CDH10: variants seen among roughly 807,000 people sequenced by gnomAD.
CDH10 encodes the protein cadherin 10, also known as cadherin-10.
CDH10 carries 30 observed loss-of-function variants against 73.1 expected under a neutral mutation model. The ratio of observed to expected loss-of-function variants is 0.41; its 90% CI spans 0.31 to 0.56. The LOEUF (loss-of-function observed/expected upper bound fraction) is 0.56, where lower values mean the gene tolerates loss of function less well. CDH10 is among the 20% of genes least tolerant of loss of function. The probability of loss-of-function intolerance (pLI) is 0.27; values close to 1 mark genes in which losing one functional copy is unlikely to be tolerated. For synonymous variants in CDH10, 345 were observed against 348.2 expected, an observed-to-expected ratio of 0.99 and a Z score of 0.10; for missense variants, 815 against 973.7, an observed-to-expected ratio of 0.84 and a Z score of 2.17.
chr5:24,522,512 TAAAATAA>T (rs1386273448), intron 5 of CDH10, among the ~76,000 whole-genome samples: 2 of 151,826 alleles, frequency 1.3e-5, no homozygotes, highest in Non-Finnish European at 1.5e-5. Context: ...TAAAATAAAA[TAAAATAA>T]AAAAGTCTGG....
intron 2 of CDH10, among the ~76,000 whole-genome samples, chr5:24,548,850 T>C (rs1665460988): frequency 6.6e-6 from 1 of 152,050 alleles, no homozygotes; most frequent in Non-Finnish European, 1.5e-5. Flanking sequence ...AGGGGATTAA[T>C]ATACAAGAAT....
chr5:24,541,477 T>C (rs1013248191), intron 2 of CDH10, among the ~76,000 whole-genome samples: 1 of 152,000 alleles, frequency 6.6e-6, no homozygotes, highest in Non-Finnish European at 1.5e-5. Context: ...GTTTTGGATA[T>C]CAGGTAACAA....
intron 1 of CDH10, among the ~76,000 whole-genome samples, chr5:24,630,796 A>G (rs1056995365): frequency 6.6e-6 from 1 of 152,108 alleles, no homozygotes; most frequent in Admixed American, 6.6e-5. Context: ...AAGTATTAGA[A>G]CAGATTAAAA....
intron 8 of CDH10, among the ~76,000 whole-genome samples, chr5:24,504,504 ATCTTTTTTTTT>A: frequency 2.7e-5 from 1 of 37,242 alleles, no homozygotes; most frequent in South Asian, 9.3e-4. Context: ...TCTCCTATTA[ATCTTTTTTTTT>A]TTTTTTTTTT....
chr5:24,537,771 A>C (rs1371240110), intron 2 of CDH10, 97 bp from the exon 3 acceptor site: 1 of 709,046 alleles, frequency 1.4e-6, no homozygotes, highest in African/African-American at 1.8e-5. Context: ...ATCACTGAGC[A>C]ACGGGGTCGG....
At chr5:24,563,451 T>TAAAAA (rs34730632) in intron 2 of CDH10, among the ~76,000 whole-genome samples, 2 of 144,552 alleles carry the variant, frequency 1.4e-5, no homozygotes, top group Non-Finnish European at 3.0e-5. Flanking sequence ...TATAGAAGCT[T>TAAAAA]AAAAAAAAAA....
intron 2 of CDH10, among the ~76,000 whole-genome samples, chr5:24,552,543 TTTGA>T (rs1179790776): frequency 6.6e-6 from 1 of 152,072 alleles, no homozygotes; most frequent in Non-Finnish European, 1.5e-5. Context: ...TCTGTTAATG[TTTGA>T]TTGGTGCATC....
chr5:24,611,932 C>T (rs1281229840), intron 1 of CDH10: 1 of 152,152 alleles, frequency 6.6e-6, no homozygotes, highest in Non-Finnish European at 1.5e-5. Flanking sequence ...GTCCAACGAC[C>T]CATAGAAACA....
chr5:24,565,058 G>C (rs979808695), intron 2 of CDH10, among the ~76,000 whole-genome samples: 2 of 152,128 alleles, frequency 1.3e-5, no homozygotes, highest in Non-Finnish European at 2.9e-5. Context: ...CTCTAAGAAT[G>C]CCTCCTTTAC....
At chr5:24,519,487 T>C (rs1743232791) in intron 5 of CDH10, among the ~76,000 whole-genome samples, 1 of 152,078 alleles carries the variant, frequency 6.6e-6, no homozygotes, top group South Asian at 2.1e-4. Flanking sequence ...ACAAATACAG[T>C]ATGTTTAAAG....
At chr5:24,577,529 A>AT (rs1260152911) in intron 2 of CDH10, among the ~76,000 whole-genome samples, 1 of 152,234 alleles carries the variant, frequency 6.6e-6, no homozygotes, top group Non-Finnish European at 1.5e-5. Context: ...GAAATATTAG[A>AT]TAAACCAACT....
In CDH10 at chr5:24,487,350, G is replaced by A. The variant is rs957723481; in HGVS notation, c.*313C>T. 4.1e-6 allele frequency: 1 copy of A among 244,528 alleles called. No individual in the cohort carries two copies. Among genetic ancestry groups the A allele is most frequent in the Admixed American group, 5.0e-5 (1 of 20,128 alleles). The allele number at this position is 244,528 out of a possible 1,614,324, so 15.1% of individuals were successfully genotyped here. ...GGCAGGACATGTACCTAACAGAAGC[G>A]GCTTGTTTGTGAGGTTGCTTAAGGG... On this transcript the variant is annotated 3_prime_UTR_variant, in exon 12 of 12. Coordinates refer to ENST00000264463, the MANE Select transcript of CDH10 (RefSeq NM_006727.5).
intron 2 of CDH10, among the ~76,000 whole-genome samples, chr5:24,545,019 A>T (rs1302333242): frequency 1.3e-5 from 2 of 152,244 alleles, no homozygotes; most frequent in Non-Finnish European, 2.9e-5. Context: ...AAGTTAACGA[A>T]CCCTCCTTCT....
intron 1 of CDH10, among the ~76,000 whole-genome samples, chr5:24,637,111 A>T (rs1403027707): frequency 6.6e-6 from 1 of 151,952 alleles, no homozygotes; most frequent in Non-Finnish European, 1.5e-5. Context: ...TCTTGTATTT[A>T]TCAAAGCTGG....
At chr5:24,627,104 AT>A (rs1747535685) in intron 1 of CDH10, among the ~76,000 whole-genome samples, 2 of 151,818 alleles carry the variant, frequency 1.3e-5, no homozygotes, top group African/African-American at 4.8e-5. Context: ...ATATCACCAT[AT>A]GCTTTATTTG....
intron 1 of CDH10, among the ~76,000 whole-genome samples, chr5:24,632,386 T>C (rs996784377): frequency 7.9e-5 from 12 of 152,096 alleles, no homozygotes; most frequent in Admixed American, 4.6e-4. Flanking sequence ...ATAAATGCTT[T>C]ATATATTCAT....
At chr5:24,559,181 T>A (rs6892585) in intron 2 of CDH10, among the ~76,000 whole-genome samples, 1 of 151,646 alleles carries the variant, frequency 6.6e-6, no homozygotes, top group Non-Finnish European at 1.5e-5. Flanking sequence ...TGTTTGTTTA[T>A]TATAAATAAA....
In CDH10 at chr5:24,491,615, C is replaced by T. The variant is rs1458333938; in HGVS notation, c.1837G>A (p.Ala613Thr). ...LLLPAGLSTG[A>T]LIAILLCIII... is the part of the protein sequence containing the mutation. ...ATGCAGAGGAGGATGGCGATCAAGG[C>T]CCCAGTGCTGAGGCCGGCAGGGAGG... The change falls in exon 11 of 12, where the codon GCC becomes ACC. Residue 613 changes from alanine (A) to threonine (T), a missense_variant. Ala to Thr is a moderately conservative substitution (Grantham distance 58). Coordinates refer to ENST00000264463, the MANE Select transcript of CDH10 (RefSeq NM_006727.5). 1.9e-6 allele frequency: 3 copies of T among 1,613,552 alleles called. No homozygotes were observed. The highest frequency in any genetic ancestry group is 2.5e-6 in the Non-Finnish European group (3 of 1,179,756).
intron 1 of CDH10, among the ~76,000 whole-genome samples, chr5:24,620,755 C>T (rs1747288786): frequency 6.6e-6 from 1 of 152,030 alleles, no homozygotes; most frequent in Admixed American, 6.6e-5. Flanking sequence ...TTCTCATTGC[C>T]CCTGTTTTGT....
Sources: gnomAD v4.1 joint callset for allele counts (sites outside exome capture counted in the v4.1 genomes callset) on GRCh38, gnomAD v4.1.1 for gene constraint, MANE v1.5 for transcripts, NCBI Gene and HGNC (gene_info 2026-07-23, HGNC 2026-07-21) for gene names.